Variants in DMD observed in about 807,000 individuals in gnomAD.
DMD encodes the protein mutant dystrophin.
Under a neutral mutation model 330.1 loss-of-function variants are expected in DMD, and 63 were observed. The ratio of observed to expected loss-of-function variants is 0.19; its 90% CI spans 0.16 to 0.24. The LOEUF is 0.24. Ranked by LOEUF, DMD falls within the 10% of genes least tolerant of loss-of-function variation. The probability of loss-of-function intolerance (pLI) is 1.00; values close to 1 mark genes in which losing one functional copy is unlikely to be tolerated. For synonymous variants in DMD, 1,223 were observed against 959.8 expected (o/e 1.27, Z -5.07); for missense variants, 3,344 against 2,684.1 (o/e 1.25, Z -5.43).
chrX:33,032,642 C>A (rs1428624530), intron 1 of DMD, among the ~76,000 whole-genome samples: 2 of 112,179 alleles, frequency 1.8e-5, no homozygotes, highest in East Asian at 2.8e-4. Flanking sequence ...CCATACCATT[C>A]AAAATTTAAA....
chrX:31,541,799 C>T (rs889145409), intron 55 of DMD, among the ~76,000 whole-genome samples: 4 of 110,690 alleles, frequency 3.6e-5, no homozygotes, highest in Non-Finnish European at 5.7e-5. Flanking sequence ...AATAAACATA[C>T]GTGTGCAGGT....
intron 51 of DMD, among the ~76,000 whole-genome samples, chrX:31,733,552 T>C (rs774924912): frequency 1.8e-5 from 2 of 112,012 alleles, no homozygotes; most frequent in Non-Finnish European, 3.8e-5. Flanking sequence ...GTAGAACTGA[T>C]GCTATTTTAT....
intron 7 of DMD, among the ~76,000 whole-genome samples, chrX:32,721,547 GTTA>G (rs2066313642): frequency 9.1e-6 from 1 of 110,235 alleles, no homozygotes; most frequent in Admixed American, 9.7e-5. Context: ...TTTTAATTGG[GTTA>G]TTTAGTTTGT....
intron 7 of DMD, among the ~76,000 whole-genome samples, chrX:32,749,799 GAC>G (rs1405350458): frequency 8.9e-6 from 1 of 112,119 alleles, no homozygotes; most frequent in Non-Finnish European, 1.9e-5. Context: ...ACAAAAAAAT[GAC>G]ACACAATTAA....
chrX:32,878,544 T>G (rs2083572058), intron 2 of DMD, among the ~76,000 whole-genome samples: 1 of 111,716 alleles, frequency 9.0e-6, no homozygotes, highest in Non-Finnish European at 1.9e-5. Context: ...TTCTTGTAGC[T>G]ATACTACAAA....
At chrX:31,179,383 C>T (rs150929309) in intron 69 of DMD, among the ~76,000 whole-genome samples, 157 of 112,455 alleles carry the variant, frequency 1.4e-3, no homozygotes, top group African/African-American at 4.9e-3. Context: ...CTGCAGATCT[C>T]GCTAAAATGT....
At chrX:32,346,162 T>C (rs1339064173) in intron 38 of DMD, 82 bp from the exon 39 acceptor site, 31 of 1,026,412 alleles carry the variant, frequency 3.0e-5, no homozygotes, top group Non-Finnish European at 3.9e-5. Context: ...AGACATGTTA[T>C]TTAAACACAC....
Position 32,879,036 on chromosome X carries a change from C to CA in DMD, c.94-29217dup, listed in dbSNP as rs1285039476. Reference sequence around the variant, plus strand: ...AAAAAAACAAAAAACAAAAAACAAACAAAAAAAAAACAACTAATATTTGTA... The same window carrying CA: ...AAAAAAACAAAAAACAAAAAACAAACAAAAAAAAAAACAACTAATATTTGTA... On this transcript the variant is annotated intron_variant, in intron 2 of 78. Transcript: ENST00000357033. Among the ~76,000 whole-genome samples, 121 of 90,513 alleles carry CA rather than the reference C, an allele frequency of 1.3e-3. 5 individuals carry two copies. Among genetic ancestry groups the CA allele is most frequent in the South Asian group, 3.3e-3 (7 of 2,101 alleles). The allele number at this position is 90,513 out of a possible 115,157, so 78.6% of individuals were successfully genotyped here. A position where few individuals can be genotyped will look rare whatever the true frequency, so the allele number is the denominator to read the frequency against.
At chrX:32,876,272 T>C (rs1039960611) in intron 2 of DMD, among the ~76,000 whole-genome samples, 1 of 112,132 alleles carries the variant, frequency 8.9e-6, no homozygotes, top group Non-Finnish European at 1.9e-5. Flanking sequence ...ATCCCTGTTG[T>C]CTCTAGATAC....
At chrX:31,683,888 C>T (rs769414319) in intron 52 of DMD, among the ~76,000 whole-genome samples, 1 of 112,261 alleles carries the variant, frequency 8.9e-6, no homozygotes, top group East Asian at 2.8e-4. Context: ...TTGTTCTTTC[C>T]TTGCATTAAT....
intron 44 of DMD, among the ~76,000 whole-genome samples, chrX:32,057,660 A>G (rs1043233682): frequency 9.0e-6 from 1 of 111,680 alleles, no homozygotes; most frequent in Non-Finnish European, 1.9e-5. Context: ...TTAAAAGTCT[A>G]TATATCCAAA....
At chrX:33,210,485 G>A (rs930849596) in intron 1 of DMD, among the ~76,000 whole-genome samples, 1 of 110,644 alleles carries the variant, frequency 9.0e-6, no homozygotes, top group Non-Finnish European at 1.9e-5. Context: ...CGAAATAGTT[G>A]TATTTCTATA....
chrX:31,396,555 T>G (rs1288275421), intron 60 of DMD, among the ~76,000 whole-genome samples: 2 of 78,292 alleles, frequency 2.6e-5, no homozygotes, highest in African/African-American at 9.2e-5. Flanking sequence ...AGGGTTTTTT[T>G]TTTTTTTTTT....
intron 62 of DMD, among the ~76,000 whole-genome samples, chrX:31,310,201 CT>C (rs5901978): frequency 0.4 from 36,919 of 92,484 alleles, 6,428 homozygotes; most frequent in African/African-American, 0.54. Context: ...CTCTCTCTCT[CT>C]CTCCATATAT....
chrX:33,178,280 G>A lies in DMD; in HGVS notation c.31+33002C>T, dbSNP rs185001506. Among the ~76,000 whole-genome samples the A allele has an allele frequency of 3.9e-3, 443 of 112,211 alleles. 3 individuals carry two copies. In the Middle Eastern group the frequency reaches 0.051, roughly 13 times the overall value. On this transcript the variant is annotated intron_variant, in intron 1 of 78. Coordinates refer to ENST00000357033, the MANE Select transcript of DMD (RefSeq NM_004006.3). ...TCCTGACACCTGGAAAGAGGCTGGA[G>A]GTCCAGCAGCCATTTTAGACAATGA...
chrX:31,240,826 G>A (rs900522031), intron 63 of DMD, among the ~76,000 whole-genome samples: 1 of 111,327 alleles, frequency 9.0e-6, no homozygotes, highest in Non-Finnish European at 1.9e-5. Flanking sequence ...TATAAATAAG[G>A]AAACCAAAGG....
intron 30 of DMD, among the ~76,000 whole-genome samples, chrX:32,393,983 G>A (rs1338782738): frequency 9.0e-6 from 1 of 111,409 alleles, no homozygotes; most frequent in Non-Finnish European, 1.9e-5. Context: ...GCCTGATTAA[G>A]GATCAAGGAG....
chrX:33,311,290 C>T (rs766707836), intron 1 of DMD, among the ~76,000 whole-genome samples: 1 of 109,403 alleles, frequency 9.1e-6, no homozygotes, highest in South Asian at 3.8e-4. Flanking sequence ...CATATACATA[C>T]TTTAATATAT....
chrX:32,607,423 C>CT (rs2056820276), intron 12 of DMD, among the ~76,000 whole-genome samples: 1 of 102,324 alleles, frequency 9.8e-6, no homozygotes, highest in African/African-American at 3.4e-5. Context: ...TAGTTTAGTG[C>CT]TTTTTTAGTC....
Sources: allele counts gnomAD v4.1 joint callset (sites outside exome capture counted in the v4.1 genomes callset), GRCh38; gene constraint gnomAD v4.1.1; transcripts MANE v1.5; gene names NCBI Gene and HGNC (gene_info 2026-07-23, HGNC 2026-07-21).